The following SLC2A9 variants were observed in gnomAD, a reference collection of about 807,000 sequenced individuals.
SLC2A9 encodes the protein solute carrier family 2, facilitated glucose transporter member 9.
Under a neutral mutation model 50.6 loss-of-function variants are expected in SLC2A9, and 39 were observed. The observed-to-expected ratio is 0.77, with a 90% CI of 0.60 to 1.01. The LOEUF (loss-of-function observed/expected upper bound fraction) is 1.01, where lower values mean the gene tolerates loss of function less well. Ranked by LOEUF, SLC2A9 falls within the 50% of genes least tolerant of loss-of-function variation. The pLI is 0.00. For missense variants in SLC2A9, 686 were observed against 677.6 expected, an observed-to-expected ratio of 1.01 and a Z score of -0.14; for synonymous variants, 324 against 276.9, an observed-to-expected ratio of 1.17 and a Z score of -1.69.
intron 10 of SLC2A9, among the ~76,000 whole-genome samples, chr4:9,880,887 TG>T (rs1418283838): frequency 2.0e-5 from 3 of 152,240 alleles, no homozygotes; most frequent in Non-Finnish European, 4.4e-5. Context: ...CTGGTGTCTC[TG>T]CCTCCAGTTT....
At chr4:9,846,598 C>G (rs1198250372) in intron 10 of SLC2A9, among the ~76,000 whole-genome samples, 1 of 152,176 alleles carries the variant, frequency 6.6e-6, no homozygotes, top group East Asian at 1.9e-4. Flanking sequence ...TGCCTATAAT[C>G]TCATTTAATG....
At chr4:9,914,250 A>G (rs4697697) in intron 7 of SLC2A9, among the ~76,000 whole-genome samples, 70,931 of 151,802 alleles carry the variant, frequency 0.47, 17,096 homozygotes, top group Admixed American at 0.52. Flanking sequence ...AGGAAATGGG[A>G]GCACCAGGGA....
In SLC2A9 at chr4:9,826,293, A is replaced by G. The variant is rs1487632749; in HGVS notation, c.*104T>C. ...GACTTGCATAGCTTCAATTCATTTA[A>G]GCTTCCCAATAATGGGTAAATTTTA... On this transcript the variant is annotated 3_prime_UTR_variant, in exon 12 of 12. Coordinates refer to ENST00000264784, the MANE Select transcript of SLC2A9 (RefSeq NM_020041.3). 8.7e-7 allele frequency: 1 copy of G among 1,150,490 alleles called. No individual in the cohort carries two copies. The highest frequency in any genetic ancestry group is 1.5e-5 in the African/African-American group (1 of 65,702). The allele number at this position is 1,150,490 out of a possible 1,614,324, so 71.3% of individuals were successfully genotyped here.
intron 5 of SLC2A9, among the ~76,000 whole-genome samples, chr4:9,967,161 T>C (rs1179402484): frequency 6.6e-6 from 1 of 152,234 alleles, no homozygotes; most frequent in Admixed American, 6.5e-5. Flanking sequence ...ACAATTGAGA[T>C]TGTTTTTTAA....
chr4:9,894,613 G>A (rs958924363), intron 8 of SLC2A9, among the ~76,000 whole-genome samples: 1 of 152,104 alleles, frequency 6.6e-6, no homozygotes, highest in Non-Finnish European at 1.5e-5. Flanking sequence ...ACCCATACTG[G>A]CAATTTTTCA....
intron 6 of SLC2A9, among the ~76,000 whole-genome samples, chr4:9,927,708 G>A (rs1218891075): frequency 6.6e-6 from 1 of 152,244 alleles, no homozygotes; most frequent in Admixed American, 6.5e-5. Flanking sequence ...GGTAGGGTAT[G>A]TAACAAGGGG....
intron 1 of SLC2A9, among the ~76,000 whole-genome samples, chr4:10,033,393 C>G (rs978356011): frequency 6.6e-6 from 1 of 152,190 alleles, no homozygotes; most frequent in Non-Finnish European, 1.5e-5. Flanking sequence ...CTAGAACACC[C>G]TCTTCCCCCC....
downstream of SLC2A9, among the ~76,000 whole-genome samples, chr4:9,797,802 AT>A (rs973244148): frequency 6.6e-6 from 1 of 152,038 alleles, no homozygotes; most frequent in African/African-American, 2.4e-5. Context: ...CAATTTTTTT[AT>A]TTTTTTGAAA....
At chr4:9,968,655 A>G (rs1578126648) in intron 5 of SLC2A9, among the ~76,000 whole-genome samples, 1 of 152,216 alleles carries the variant, frequency 6.6e-6, no homozygotes, top group South Asian at 2.1e-4. Flanking sequence ...CACAGTGTAC[A>G]GTCATAGCCT....
intron 10 of SLC2A9, among the ~76,000 whole-genome samples, chr4:9,877,140 A>G (rs575317136): frequency 6.6e-6 from 1 of 151,976 alleles, no homozygotes; most frequent in South Asian, 2.1e-4. Context: ...ATCTGATTCG[A>G]CTCCCCCTAA....
At position 9,928,649 on chromosome 4, in the gene SLC2A9, G is replaced by A. The variant is rs150088572; in HGVS notation, c.815-8077C>T. On this transcript the variant is annotated intron_variant, in intron 6 of 11. Coordinates refer to ENST00000264784, the MANE Select transcript of SLC2A9 (RefSeq NM_020041.3). ...CTCGGGAGGCTGAGGCAGGAGAATC[G>A]CTTGAACCCGGGAGGTGGAGGTTGC... is the stretch of plus-strand genomic sequence containing the variant. 5.4e-3 allele frequency among the ~76,000 whole-genome samples: 827 copies of A among 152,248 alleles called. 6 individuals are homozygous for A. The highest frequency in any genetic ancestry group is 0.019 in the African/African-American group (795 of 41,538).
At chr4:9,781,224 A>T (rs959129975) in intron 3 of SLC2A9, among the ~76,000 whole-genome samples, 2 of 152,144 alleles carry the variant, frequency 1.3e-5, no homozygotes, top group African/African-American at 2.4e-5. Context: ...GGCCGGGTAA[A>T]GTTATGTAGG....
At chr4:9,928,626 C>T (rs1472048636) in intron 6 of SLC2A9, among the ~76,000 whole-genome samples, 6 of 152,034 alleles carry the variant, frequency 3.9e-5, no homozygotes, top group African/African-American at 9.7e-5. Flanking sequence ...CCCAGCTACT[C>T]GGGAGGCTGA....
At chr4:9,922,153 A>G (rs1164228084) in intron 6 of SLC2A9, among the ~76,000 whole-genome samples, 1 of 152,114 alleles carries the variant, frequency 6.6e-6, no homozygotes, top group African/African-American at 2.4e-5. Flanking sequence ...TCTATCATTG[A>G]TGGGCATTTG....
At chr4:9,942,483 C>T (rs780891273) in intron 5 of SLC2A9, among the ~76,000 whole-genome samples, 1 of 152,194 alleles carries the variant, frequency 6.6e-6, no homozygotes, top group South Asian at 2.1e-4. Flanking sequence ...TATCTAGACG[C>T]CCACGACATT....
At position 9,996,845 on chromosome 4, in the gene SLC2A9, T is replaced by C. The variant is rs1465992334; in HGVS notation, c.346A>G (p.Ile116Val). The part of the protein sequence containing the change: ...LTLLWSVTVS[I>V]FAIGGLVGTL... The stretch of plus-strand genomic sequence containing the variant: ...CCCACAAGTCCACCGATGGCGAATA[T>C]GGACACAGTCACAGACCAGAGCAAA... Residue 116 changes from isoleucine (I) to valine (V), a missense_variant, in exon 3 of 12, where the codon ATA (isoleucine) becomes GTA (valine). By Grantham distance (29) the Ile-to-Val change is conservative. Coordinates refer to ENST00000264784, the MANE Select transcript of SLC2A9 (RefSeq NM_020041.3). 1 of 1,614,216 alleles carries C rather than the reference T, an allele frequency of 6.2e-7. No homozygotes were observed. Among genetic ancestry groups the C allele is most frequent in the Admixed American group, 1.7e-5 (1 of 60,026 alleles).
chr4:9,854,475 C>T (rs1340813103), intron 10 of SLC2A9, among the ~76,000 whole-genome samples: 1 of 152,124 alleles, frequency 6.6e-6, no homozygotes, highest in East Asian at 1.9e-4. Context: ...AAAAGCCTAC[C>T]AACCAGGAAA....
At chr4:10,010,595 T>C (rs1761601102) in intron 2 of SLC2A9, among the ~76,000 whole-genome samples, 1 of 152,174 alleles carries the variant, frequency 6.6e-6, no homozygotes, top group African/African-American at 2.4e-5. Context: ...GCGAGGTACT[T>C]TGATAGACGC....
chr4:9,979,336 TG>T lies in SLC2A9; in HGVS notation c.681+1255del, dbSNP rs377488692. 5.5e-4 allele frequency among the ~76,000 whole-genome samples: 83 copies of T among 152,200 alleles called. 1 individual carries two copies. Among genetic ancestry groups the T allele is most frequent in the African/African-American group, 1.9e-3 (77 of 41,452 alleles). Reference sequence around the variant, plus strand: ...CTAGGACGTGCGAATTTGTTATGTTTGCCCCCTGCTGCTAGAATTCAGCTCC... The same window carrying T: ...CTAGGACGTGCGAATTTGTTATGTTTCCCCCTGCTGCTAGAATTCAGCTCC... On this transcript the variant is annotated intron_variant, in intron 5 of 11. Coordinates refer to ENST00000264784, the MANE Select transcript of SLC2A9 (RefSeq NM_020041.3).
Sources: allele counts gnomAD v4.1 joint callset (sites outside exome capture counted in the v4.1 genomes callset), GRCh38; gene constraint gnomAD v4.1.1; transcripts MANE v1.5; gene names NCBI Gene and HGNC (gene_info 2026-07-23, HGNC 2026-07-21).